ZNF827: variants seen among roughly 807,000 people sequenced by gnomAD.
ZNF827 encodes zinc finger protein 827.
ZNF827 carries 13 observed loss-of-function variants against 102.4 expected under a neutral mutation model. The ratio of observed to expected loss-of-function variants is 0.13; its 90% confidence interval spans 0.08 to 0.20. The LOEUF is 0.20. Ranked by LOEUF, ZNF827 falls within the 10% of genes least tolerant of loss-of-function variation. The pLI, the probability that ZNF827 is intolerant of heterozygous loss-of-function variation, is 1.00. For synonymous variants in ZNF827, 523 were observed against 536.2 expected, an observed-to-expected ratio of 0.98 and a Z score of 0.34; for missense variants, 1,103 against 1,344.4, an observed-to-expected ratio of 0.82 and a Z score of 2.81.
chr4:145,791,674 A>G lies in ZNF827; in HGVS notation c.2384-12163T>C, dbSNP rs116397167. ...GGTTAAGAAAACTTTGGATTTAGGT[A>G]TAGCTGAAAGAGGAATTATACATAC... On this transcript the variant is annotated intron_variant, in intron 8 of 14. Coordinates refer to ENST00000508784, the MANE Select transcript of ZNF827 (RefSeq NM_001306215.2). 7.2e-3 allele frequency among the ~76,000 whole-genome samples: 1,091 copies of G among 152,338 alleles called. 13 individuals are homozygous for G. The highest frequency in any genetic ancestry group is 0.025 in the African/African-American group (1,042 of 41,580).
intron 8 of ZNF827, among the ~76,000 whole-genome samples, chr4:145,798,006 G>A (rs1579221372): frequency 6.6e-6 from 1 of 152,154 alleles, no homozygotes; most frequent in Non-Finnish European, 1.5e-5. Context: ...CCGAATTTAA[G>A]ATTAAATGGA....
At chr4:145,847,556 T>C (rs752376223) in intron 6 of ZNF827, among the ~76,000 whole-genome samples, 10 of 152,146 alleles carry the variant, frequency 6.6e-5, no homozygotes, top group Non-Finnish European at 1.2e-4. Flanking sequence ...CAAGAAGAGG[T>C]AGACCCTCCC....
chr4:145,868,922 T>C (rs1263859333), intron 5 of ZNF827, among the ~76,000 whole-genome samples: 2 of 152,220 alleles, frequency 1.3e-5, no homozygotes, highest in Non-Finnish European at 2.9e-5. Flanking sequence ...AAACAACAAA[T>C]AGATTACTCT....
At position 145,901,641 on chromosome 4, in the gene ZNF827, T is replaced by C. The variant is rs78712641; in HGVS notation, c.1093+525A>G. On this transcript the variant is annotated intron_variant, in intron 2 of 14. Transcript: ENST00000508784. ...ATAGGATACGTGAAAAGGGCTTAAA[T>C]TCCACAAAAAGTAATAAAAATGCTA... Among the ~76,000 whole-genome samples, 1,176 of 152,330 alleles carry C rather than the reference T, an allele frequency of 7.7e-3. 15 individuals are homozygous for C. Among genetic ancestry groups the C allele is most frequent in the African/African-American group, 0.026 (1,076 of 41,574 alleles).
chr4:145,854,529 G>A (rs72954663), intron 5 of ZNF827, among the ~76,000 whole-genome samples: 1,871 of 152,212 alleles, frequency 0.012, 40 homozygotes, highest in African/African-American at 0.042. Flanking sequence ...CCTGCGCTCT[G>A]CCTTCTTGCC....
intron 8 of ZNF827, among the ~76,000 whole-genome samples, chr4:145,782,160 T>C (rs1481437477): frequency 6.6e-6 from 1 of 152,234 alleles, no homozygotes; most frequent in African/African-American, 2.4e-5. Flanking sequence ...CCCCACCTCA[T>C]GTTTGCATTT....
At chr4:145,882,883 C>A (rs1009417127) in intron 4 of ZNF827, among the ~76,000 whole-genome samples, 1 of 152,038 alleles carries the variant, frequency 6.6e-6, no homozygotes, top group African/African-American at 2.4e-5. Flanking sequence ...GGACAAGGCC[C>A]GAGACTAGCC....
At chr4:145,928,909 A>ATG (rs1327573412) in intron 1 of ZNF827, among the ~76,000 whole-genome samples, 1 of 152,210 alleles carries the variant, frequency 6.6e-6, no homozygotes, top group Admixed American at 6.5e-5. Flanking sequence ...ACTGACGAGC[A>ATG]CATGCCTGGG....
chr4:145,809,726 C>T (rs1741830841), intron 8 of ZNF827, among the ~76,000 whole-genome samples: 1 of 152,304 alleles, frequency 6.6e-6, no homozygotes, highest in East Asian at 1.9e-4. Flanking sequence ...ATGACTCAAC[C>T]AGTCCTGTGG....
intron 1 of ZNF827, among the ~76,000 whole-genome samples, chr4:145,914,834 A>T (rs1752558425): frequency 6.6e-6 from 1 of 152,114 alleles, no homozygotes; most frequent in Admixed American, 6.5e-5. Flanking sequence ...TTTCACTAAG[A>T]GGGCTTTTCT....
intron 3 of ZNF827, 116 bp downstream of exon 3, chr4:145,892,127 G>A (rs770945596): frequency 3.3e-5 from 32 of 957,370 alleles, no homozygotes; most frequent in African/African-American, 8.2e-5. Context: ...ACTGTCATCC[G>A]CATGTTTCAT....
At position 145,760,317 on chromosome 4, in the gene ZNF827, A is replaced by C. The variant is rs1450160034; in HGVS notation, c.*1299T>G. On this transcript the variant is annotated 3_prime_UTR_variant, in exon 15 of 15. Transcript: ENST00000508784. ...ATGTGCAATAGAAATGTCATGGCAC[A>C]CGACACACGGCTTTCTCTTTCAGAA... 1 of 152,366 alleles carries C rather than the reference A, an allele frequency of 6.6e-6. No homozygotes were observed. Among genetic ancestry groups the C allele is most frequent in the African/African-American group, 2.4e-5 (1 of 41,468 alleles). 9.4% of individuals were successfully genotyped at this position (152,366 alleles called of 1,614,324 possible). A position where few individuals can be genotyped will look rare whatever the true frequency, so the allele number is the denominator to read the frequency against.
intron 1 of ZNF827, among the ~76,000 whole-genome samples, chr4:145,937,408 G>A (rs1188926646): frequency 6.6e-6 from 1 of 151,750 alleles, no homozygotes; most frequent in Non-Finnish European, 1.5e-5. Context: ...GACTGACCCC[G>A]CATTTTATTG....
chr4:145,846,407 G>C (rs1449844754), intron 6 of ZNF827, among the ~76,000 whole-genome samples: 1 of 152,010 alleles, frequency 6.6e-6, no homozygotes, highest in Non-Finnish European at 1.5e-5. Flanking sequence ...GAACCCGGGA[G>C]GCGGAGCTTG....
intron 4 of ZNF827, among the ~76,000 whole-genome samples, chr4:145,883,640 T>G (rs554615091): frequency 2.0e-5 from 3 of 152,354 alleles, no homozygotes; most frequent in African/African-American, 4.8e-5. Context: ...AAACCTTCCC[T>G]GTTCTCGCTC....
chr4:145,815,452 T>C (rs1442746724), intron 8 of ZNF827, among the ~76,000 whole-genome samples: 1 of 152,152 alleles, frequency 6.6e-6, no homozygotes, highest in Non-Finnish European at 1.5e-5. Flanking sequence ...GAGACAGCCA[T>C]GGTGTGATGT....
At chr4:145,921,122 T>C (rs905019203) in intron 1 of ZNF827, among the ~76,000 whole-genome samples, 10 of 151,924 alleles carry the variant, frequency 6.6e-5, no homozygotes, top group African/African-American at 2.4e-4. Flanking sequence ...GCAGGCTAAG[T>C]AGGAGGTTAT....
At chr4:145,854,803 T>C (rs1746906130) in intron 5 of ZNF827, among the ~76,000 whole-genome samples, 1 of 152,234 alleles carries the variant, frequency 6.6e-6, no homozygotes, top group Admixed American at 6.5e-5. Flanking sequence ...CCTTCCTGTA[T>C]CTTCCTCGAG....
In ZNF827 at chr4:145,784,273, A is replaced by T. The variant is rs116723363; in HGVS notation, c.2384-4762T>A. ...CCTCTGTGGCATTTCTCAGTAGCTG[A>T]GTGAACGCCAGCAACCACCCACTTT... On this transcript the variant is annotated intron_variant, in intron 8 of 14. Coordinates refer to ENST00000508784, the MANE Select transcript of ZNF827 (RefSeq NM_001306215.2). 8.1e-4 allele frequency among the ~76,000 whole-genome samples: 124 copies of T among 152,318 alleles called. 2 individuals carry two copies. The highest frequency in any genetic ancestry group is 2.8e-3 in the African/African-American group (118 of 41,562).
Sources: allele counts gnomAD v4.1 joint callset (sites outside exome capture counted in the v4.1 genomes callset), GRCh38; gene constraint gnomAD v4.1.1; transcripts MANE v1.5; gene names NCBI Gene and HGNC (gene_info 2026-07-23, HGNC 2026-07-21).